Variants in DAB1 observed in about 807,000 individuals in gnomAD.
The protein encoded by DAB1 is disabled homolog 1.
A neutral mutation model predicts 64.6 loss-of-function variants in DAB1; 15 were observed. The observed-to-expected ratio is 0.23, with a 90% CI of 0.16 to 0.36. DAB1 has a LOEUF of 0.36. Among genes scored for constraint, DAB1 ranks in the 10% least tolerant of loss-of-function variants. The pLI, the probability that DAB1 is intolerant of heterozygous loss-of-function variation, is 1.00. For missense variants in DAB1, 596 were observed against 706.7 expected, an observed-to-expected ratio of 0.84 and a Z score of 1.78; for synonymous variants, 235 against 251.9, an observed-to-expected ratio of 0.93 and a Z score of 0.64.
At chr1:57,995,824 G>GA (rs1024751136) in intron 5 of DAB1, among the ~76,000 whole-genome samples, 72 of 141,754 alleles carry the variant, frequency 5.1e-4, no homozygotes, top group Middle Eastern at 3.6e-3. Flanking sequence ...AGGTTTCTCA[G>GA]AAAAAAAAAA....
chr1:58,148,217 G>A (rs551442170), intron 5 of DAB1, among the ~76,000 whole-genome samples: 1 of 152,184 alleles, frequency 6.6e-6, no homozygotes, highest in South Asian at 2.1e-4. Context: ...TAGTCCAACT[G>A]GCAATTACCT....
chr1:58,242,020 A>T (rs1344723284), intron 4 of DAB1, among the ~76,000 whole-genome samples: 1 of 152,148 alleles, frequency 6.6e-6, no homozygotes, highest in Non-Finnish European at 1.5e-5. Context: ...ATGTTCAAGG[A>T]TGCTTATTTC....
intron 1 of DAB1, among the ~76,000 whole-genome samples, chr1:57,414,314 C>T (rs747981717): frequency 6.6e-6 from 1 of 152,206 alleles, no homozygotes; most frequent in African/African-American, 2.4e-5. Context: ...GTAACCACCA[C>T]CTTAATCAGT....
At chr1:58,382,953 G>A (rs1644402642) in intron 3 of DAB1, among the ~76,000 whole-genome samples, 1 of 152,182 alleles carries the variant, frequency 6.6e-6, no homozygotes, top group African/African-American at 2.4e-5. Flanking sequence ...TGAGGTTAGA[G>A]ATAACTCCTT....
intron 7 of DAB1, among the ~76,000 whole-genome samples, chr1:57,617,677 T>G (rs1157000196): frequency 2.0e-5 from 3 of 152,176 alleles, no homozygotes; most frequent in African/African-American, 7.2e-5. Context: ...TGACATTTTA[T>G]AAAATGACAC....
At chr1:57,924,626 ATTT>A (rs34750244) in intron 5 of DAB1, among the ~76,000 whole-genome samples, 6 of 131,786 alleles carry the variant, frequency 4.6e-5, no homozygotes, top group Non-Finnish European at 6.4e-5. Flanking sequence ...CACTTGGCTA[ATTT>A]TTTTTTTTTT....
rs1672059709 is a variant in DAB1 at position 57,283,299 on chromosome 1, C to A, written c.67+7665G>T. Among the ~76,000 whole-genome samples, 5 of 152,112 alleles carry A rather than the reference C, an allele frequency of 3.3e-5. 1 individual carries two copies. The South Asian group carries it at 1.0e-3, about 32-fold the overall frequency. ...CCTCAGTTATTCTTGGAGCAAGTAT[C>A]CATTTGAAGAGGGACAAGTGTCTTT... On this transcript the variant is annotated intron_variant, in intron 2 of 14. Transcript: ENST00000371236.
chr1:58,437,725 T>C (rs1450511843), intron 3 of DAB1, among the ~76,000 whole-genome samples: 1 of 152,174 alleles, frequency 6.6e-6, no homozygotes, highest in East Asian at 1.9e-4. Flanking sequence ...GATATAGCAT[T>C]AAAAAAGATA....
intron 4 of DAB1, among the ~76,000 whole-genome samples, chr1:58,322,325 T>G (rs555954075): frequency 3.3e-5 from 5 of 152,128 alleles, no homozygotes; most frequent in Admixed American, 3.3e-4. Context: ...GGGAGAAAAT[T>G]TTTGCAATCT....
At chr1:57,031,100 A>G (rs1229668515) in intron 9 of DAB1, among the ~76,000 whole-genome samples, 1 of 152,252 alleles carries the variant, frequency 6.6e-6, no homozygotes, top group South Asian at 2.1e-4. Flanking sequence ...TCCTTTTGCC[A>G]GATGATTTTC....
intron 3 of DAB1, among the ~76,000 whole-genome samples, chr1:58,480,338 C>T (rs1201666461): frequency 6.6e-6 from 1 of 152,080 alleles, no homozygotes; most frequent in Non-Finnish European, 1.5e-5. Flanking sequence ...TTCAGTGCAC[C>T]AGGAACACGC....
chr1:58,215,375 C>T (rs1658792947), intron 4 of DAB1, among the ~76,000 whole-genome samples: 4 of 149,946 alleles, frequency 2.7e-5, no homozygotes, highest in South Asian at 2.1e-4. Context: ...CAATCCTGGG[C>T]AATCTCTGGT....
intron 4 of DAB1, among the ~76,000 whole-genome samples, chr1:58,266,729 C>A (rs575972247): frequency 1.3e-5 from 2 of 152,168 alleles, no homozygotes; most frequent in African/African-American, 4.8e-5. Flanking sequence ...AGGATTTTTC[C>A]CAAACACACT....
intron 3 of DAB1, among the ~76,000 whole-genome samples, chr1:58,420,074 G>A (rs1373623568): frequency 6.6e-6 from 1 of 152,154 alleles, no homozygotes; most frequent in Non-Finnish European, 1.5e-5. Flanking sequence ...TTACTCTCAG[G>A]ACCCTAATTG....
chr1:57,570,666 T>C (rs1174592106), intron 7 of DAB1, among the ~76,000 whole-genome samples: 22 of 152,172 alleles, frequency 1.4e-4, no homozygotes, highest in Non-Finnish European at 1.5e-5. Context: ...GGCTCTTTTT[T>C]AATTCCATAT....
intron 4 of DAB1, among the ~76,000 whole-genome samples, chr1:58,286,421 C>T (rs1661683748): frequency 6.6e-6 from 1 of 152,040 alleles, no homozygotes; most frequent in Non-Finnish European, 1.5e-5. Flanking sequence ...ATCCATCTGA[C>T]AAAGGTCTAA....
At chr1:57,503,888 AG>A (rs1283470784) in intron 7 of DAB1, among the ~76,000 whole-genome samples, 1 of 152,202 alleles carries the variant, frequency 6.6e-6, no homozygotes, top group Non-Finnish European at 1.5e-5. Flanking sequence ...CAGTGAAAAC[AG>A]TGAAGCCCTG....
At chr1:57,957,600 C>T (rs759269594) in intron 5 of DAB1, among the ~76,000 whole-genome samples, 5 of 152,096 alleles carry the variant, frequency 3.3e-5, no homozygotes, top group East Asian at 1.9e-4. Flanking sequence ...TTTAAAACTA[C>T]AAGACTGTAT....
intron 6 of DAB1, among the ~76,000 whole-genome samples, chr1:57,753,725 G>A (rs966918444): frequency 6.6e-6 from 1 of 152,188 alleles, no homozygotes; most frequent in Non-Finnish European, 1.5e-5. Flanking sequence ...ACTCTGTGAA[G>A]AAGATATAAT....
Sources: allele counts gnomAD v4.1 joint callset (sites outside exome capture counted in the v4.1 genomes callset), GRCh38; gene constraint gnomAD v4.1.1; transcripts MANE v1.5; gene names NCBI Gene and HGNC (gene_info 2026-07-23, HGNC 2026-07-21).